Variants in GFPT2 observed in about 807,000 individuals in gnomAD.
GFPT2 encodes glutamine--fructose-6-phosphate transaminase 2.
GFPT2 carries 62 observed loss-of-function variants against 85.6 expected under a neutral mutation model. That is an observed-to-expected ratio of 0.72 (90% CI 0.59 to 0.90). The LOEUF is 0.90. Among genes scored for constraint, GFPT2 ranks in the 40% least tolerant of loss-of-function variants. The probability of loss-of-function intolerance (pLI) is 0.00; values close to 1 mark genes in which losing one functional copy is unlikely to be tolerated. For missense variants in GFPT2, 788 were observed against 893.4 expected, an observed-to-expected ratio of 0.88 and a Z score of 1.50; for synonymous variants, 368 against 344.5, an observed-to-expected ratio of 1.07 and a Z score of -0.75.
chr5:180,316,131 G>A (rs542034174), intron 13 of GFPT2, among the ~76,000 whole-genome samples: 1 of 152,284 alleles, frequency 6.6e-6, no homozygotes, highest in South Asian at 2.1e-4. Context: ...AATCCCAGCT[G>A]TCACCCCCTG....
chr5:180,320,024 G>A (rs1010454477), intron 9 of GFPT2, among the ~76,000 whole-genome samples: 6 of 152,042 alleles, frequency 3.9e-5, no homozygotes, highest in East Asian at 1.9e-4. Flanking sequence ...ACAGAGTCTC[G>A]CTCTGTCGCC....
At position 180,341,460 on chromosome 5, in the gene GFPT2, T is replaced by C. The variant is rs562534647; in HGVS notation, c.8-2860A>G. 7.2e-5 allele frequency among the ~76,000 whole-genome samples: 11 copies of C among 152,256 alleles called. No homozygotes were observed. In the South Asian group the frequency reaches 2.3e-3, roughly 32 times the overall value. ...GAATGTTATATTCCTAAACAGTGAG[T>C]GGGGTCCCATCATATAAACTTAATT... On this transcript the variant is annotated intron_variant, in intron 1 of 18. Coordinates refer to ENST00000253778, the MANE Select transcript of GFPT2 (RefSeq NM_005110.4).
chr5:180,324,498 G>T (rs542482304), intron 8 of GFPT2, 193 bp from the exon 9 acceptor site: 5 of 588,040 alleles, frequency 8.5e-6, no homozygotes, highest in Non-Finnish European at 1.5e-5. Flanking sequence ...AATGGCTACA[G>T]TGTGAGAGGA....
At chr5:180,339,726 C>G (rs899703755) in intron 1 of GFPT2, among the ~76,000 whole-genome samples, 7 of 152,216 alleles carry the variant, frequency 4.6e-5, no homozygotes, top group Non-Finnish European at 7.3e-5. Context: ...AAGCTCAGCT[C>G]CAGCCCCCGC....
rs1228325317 is a variant in GFPT2 at position 180,323,214 on chromosome 5, A to G, written c.794+974T>C. On this transcript the variant is annotated intron_variant, in intron 9 of 18. Coordinates refer to ENST00000253778, the MANE Select transcript of GFPT2 (RefSeq NM_005110.4). The surrounding 1 kb of genome is among the most constrained non-coding windows in gnomAD (Gnocchi z 4.0). ...GTTTTAGAATCACTGAAATAATACC[A>G]GCGTCTCGTTGGTATTCTCGGCGTG... Among the ~76,000 whole-genome samples the G allele has an allele frequency of 3.3e-5, 5 of 152,170 alleles. No homozygotes were observed. The highest frequency in any genetic ancestry group is 1.2e-4 in the African/African-American group (5 of 41,418).
At chr5:180,353,181 G>C (rs376990165) in intron 1 of GFPT2, 30 bp downstream of exon 1, 1 of 1,233,338 alleles carries the variant, frequency 8.1e-7, no homozygotes, top group Non-Finnish European at 1.0e-6. Context: ...ACGGCGTGGA[G>C]GAGGCGGCTC....
At position 180,313,906 on chromosome 5, in the gene GFPT2, G is replaced by A. The variant is rs760448629; in HGVS notation, c.1332C>T (p.Thr444=). ...TGCCCACGGTGTTGGTGACGCCCAC[G>A]GTGAGAGCGCCGCGGTCCTTACAGT... ...LRYCKDRGAL[T]VGVTNTVGSS... is the part of the protein sequence containing the mutation. The change falls in exon 14 of 19, where the codon ACC becomes ACT. Residue 444 remains threonine, a synonymous_variant. Transcript: ENST00000253778. 1.2e-6 allele frequency: 2 copies of A among 1,606,476 alleles called. No individual in the cohort carries two copies. Among genetic ancestry groups the A allele is most frequent in the East Asian group, 4.5e-5 (2 of 44,846 alleles).
At position 180,313,833 on chromosome 5, in the gene GFPT2, G is replaced by T; in HGVS notation, c.1405C>A (p.Pro469Thr). ...TDCGVHINAG[P>T]EIGVASTKAY... is the part of the protein sequence containing the mutation. ...TTGGTGCTGGCCACGCCGATCTCCGGCCCTGCGTTGATGTGGACGCCGCAG... is the reference window on the plus strand; with the variant it reads ...TTGGTGCTGGCCACGCCGATCTCCGTCCCTGCGTTGATGTGGACGCCGCAG... The change falls in exon 14 of 19, where the codon CCG becomes ACG. Residue 469 changes from proline (P) to threonine (T), a missense_variant. Physicochemically the swap from Pro to Thr is conservative, Grantham distance 38. Transcript: ENST00000253778. 6.3e-7 allele frequency: 1 copy of T among 1,581,086 alleles called. No individual in the cohort carries two copies.
chr5:180,344,730 T>C (rs910065393), intron 1 of GFPT2, among the ~76,000 whole-genome samples: 10 of 152,190 alleles, frequency 6.6e-5, no homozygotes, highest in African/African-American at 2.4e-4. Flanking sequence ...AGGGCCACAA[T>C]GGCCCTTCCC....
intron 9 of GFPT2, among the ~76,000 whole-genome samples, chr5:180,320,522 T>C (rs1764098942): frequency 5.3e-5 from 8 of 152,186 alleles, no homozygotes; most frequent in Admixed American, 3.3e-4. Context: ...CCTGTAATCC[T>C]AGCACTTTGG....
At chr5:180,312,817 C>G (rs1314788136) in intron 14 of GFPT2, among the ~76,000 whole-genome samples, 1 of 152,124 alleles carries the variant, frequency 6.6e-6, no homozygotes. Context: ...TGCTGTGTCA[C>G]CCAGGCTGGA....
intron 1 of GFPT2, among the ~76,000 whole-genome samples, chr5:180,348,973 C>T (rs369075005): frequency 6.6e-6 from 1 of 151,550 alleles, no homozygotes; most frequent in Non-Finnish European, 1.5e-5. Flanking sequence ...ATCTCCTGAC[C>T]TCGTGATCCA....
At chr5:180,342,010 G>A (rs1462998344) in intron 1 of GFPT2, among the ~76,000 whole-genome samples, 1 of 151,950 alleles carries the variant, frequency 6.6e-6, no homozygotes, top group Non-Finnish European at 1.5e-5. Context: ...GAATCATGGG[G>A]GCGGCTCTTT....
chr5:180,309,286 TG>T (rs964973274), intron 15 of GFPT2, among the ~76,000 whole-genome samples: 17 of 152,298 alleles, frequency 1.1e-4, no homozygotes, highest in Admixed American at 7.8e-4. Context: ...ACAAATACCA[TG>T]GGTTGCTTCT....
At chr5:180,305,969 T>C (rs926708861) in intron 16 of GFPT2, among the ~76,000 whole-genome samples, 4 of 144,066 alleles carry the variant, frequency 2.8e-5, no homozygotes, top group South Asian at 2.3e-4. Context: ...TCTTTCTTTT[T>C]TTTTTCTTTC....
chr5:180,304,107 C>CCGGG (rs1253168145), intron 17 of GFPT2, among the ~76,000 whole-genome samples: 1 of 152,152 alleles, frequency 6.6e-6, no homozygotes, highest in Non-Finnish European at 1.5e-5. Flanking sequence ...AGGGGAGCTC[C>CCGGG]CGGGCGACAC....
At chr5:180,344,623 G>A (rs1431903553) in intron 1 of GFPT2, among the ~76,000 whole-genome samples, 1 of 152,208 alleles carries the variant, frequency 6.6e-6, no homozygotes, top group African/African-American at 2.4e-5. Flanking sequence ...TACAGGAGGA[G>A]TGACCGTGCG....
chr5:180,351,053 T>C (rs1190377528), intron 1 of GFPT2, among the ~76,000 whole-genome samples: 2 of 152,262 alleles, frequency 1.3e-5, no homozygotes, highest in South Asian at 2.1e-4. Context: ...ATTCTTGCAG[T>C]ATCCTTGTAC....
intron 14 of GFPT2, among the ~76,000 whole-genome samples, chr5:180,313,363 G>A (rs1186234490): frequency 2.6e-5 from 4 of 151,228 alleles, no homozygotes; most frequent in South Asian, 2.1e-4. Flanking sequence ...AGGCCGAGGC[G>A]GGCGGATCAC....
Sources: allele counts gnomAD v4.1 joint callset (sites outside exome capture counted in the v4.1 genomes callset), GRCh38; gene constraint gnomAD v4.1.1; non-coding constraint Gnocchi (gnomAD v3.1); transcripts MANE v1.5; gene names NCBI Gene and HGNC (gene_info 2026-07-23, HGNC 2026-07-21).